Variants in HNRNPA1L2 observed in about 807,000 individuals in gnomAD.
HNRNPA1L2 encodes heterogeneous nuclear ribonucleoprotein A1 like 2, also known as heterogeneous nuclear ribonucleoprotein A1-like 2.
A neutral mutation model predicts 18.2 loss-of-function variants in HNRNPA1L2; 10 were observed. That is an observed-to-expected ratio of 0.55 (90% confidence interval 0.34 to 0.93). The LOEUF is 0.93. Ranked by LOEUF, HNRNPA1L2 falls within the 40% of genes least tolerant of loss-of-function variation. HNRNPA1L2 has a pLI of 0.02. For missense variants in HNRNPA1L2, 308 were observed against 394.4 expected (o/e 0.78, Z 1.85); for synonymous variants, 124 against 138.6 (o/e 0.89, Z 0.74).
chr13:52,632,399 C>A, the HNRNPA1L2 span: 1 of 152,346 alleles, frequency 6.6e-6, no homozygotes, highest in African/African-American at 2.4e-5. Flanking sequence ...AGTTTATATT[C>A]ATTAAAATGT....
At chr13:52,617,699 C>A in the HNRNPA1L2 span, 9 of 440,094 alleles carry the variant, frequency 2.0e-5, no homozygotes, top group Middle Eastern at 5.0e-4. Context: ...CAGTTCAGCA[C>A]TTTTGGCTCC....
At chr13:52,634,378 G>A in the HNRNPA1L2 span, among the ~76,000 whole-genome samples, 25 of 152,198 alleles carry the variant, frequency 1.6e-4, no homozygotes, top group Non-Finnish European at 3.1e-4. Context: ...TGGCAAGAAG[G>A]CATTTAAATT....
the HNRNPA1L2 span, among the ~76,000 whole-genome samples, chr13:52,634,981 A>C: frequency 6.6e-6 from 1 of 152,234 alleles, no homozygotes; most frequent in Non-Finnish European, 1.5e-5. Flanking sequence ...TGATGATCCT[A>C]ATGATGATGG....
At chr13:52,633,672 G>A in the HNRNPA1L2 span, among the ~76,000 whole-genome samples, 10 of 152,158 alleles carry the variant, frequency 6.6e-5, no homozygotes, top group Non-Finnish European at 1.3e-4. Context: ...AATTATCTGG[G>A]TATGGTGGTG....
At chr13:52,626,426 TAAAAA>T in the HNRNPA1L2 span, among the ~76,000 whole-genome samples, 1 of 130,828 alleles carries the variant, frequency 7.6e-6, no homozygotes. Context: ...TCCCATCTCT[TAAAAA>T]AAAAAAAAAA....
At chr13:52,622,939 C>T in the HNRNPA1L2 span, among the ~76,000 whole-genome samples, 10 of 151,852 alleles carry the variant, frequency 6.6e-5, no homozygotes, top group Non-Finnish European at 1.3e-4. Context: ...TTTAGGATAC[C>T]CATCACTGAC....
chr13:52,624,179 G>T, the HNRNPA1L2 span, among the ~76,000 whole-genome samples: 69 of 152,090 alleles, frequency 4.5e-4, no homozygotes, highest in Non-Finnish European at 8.8e-4. Flanking sequence ...CAGTGGCGCG[G>T]TCTTGGCTCA....
At position 52,643,257 on chromosome 13, in the gene HNRNPA1L2, A is replaced by C. The variant is rs1566164435; in HGVS notation, c.765A>C (p.Gly255=). ...NGFGNDGSNF[G]GGGSYNDFGN... is the part of the protein sequence containing the mutation. ...TTGGTAATGATGGAAGCAATTTTGG[A>C]GGTGGTGGAAGCTACAATGATTTTG... Residue 255 remains glycine, a synonymous_variant, in exon 1 of 1, where the codon GGA becomes GGC. Transcript: ENST00000357495. 1 of 1,592,438 alleles carries C rather than the reference A, an allele frequency of 6.3e-7. No homozygotes were observed.
chr13:52,642,749 C>G lies in HNRNPA1L2; in HGVS notation c.257C>G (p.Pro86Arg). Residue 86 changes from proline (P) to arginine (R), a missense_variant, in exon 1 of 1, where the codon CCA becomes CGA. Physicochemically the swap from Pro to Arg is moderately radical, Grantham distance 103. Coordinates refer to ENST00000357495, the MANE Select transcript of HNRNPA1L2 (RefSeq NM_001389320.1). ...PHKVDGRVVE[P>R]KRAVSREDSQ... ...AAGGTGGATGGAAGAGTTGTGGAACCAAAGAGAGCTGTCTCCAGAGAAGAT... is the reference window on the plus strand; with the variant it reads ...AAGGTGGATGGAAGAGTTGTGGAACGAAAGAGAGCTGTCTCCAGAGAAGAT... The G allele has an allele frequency of 1.9e-6, 3 of 1,599,530 alleles. No homozygotes were observed. Among genetic ancestry groups the G allele is most frequent in the Non-Finnish European group, 2.5e-6 (3 of 1,179,784 alleles).
chr13:52,621,775 A>C, the HNRNPA1L2 span, among the ~76,000 whole-genome samples: 1 of 152,178 alleles, frequency 6.6e-6, no homozygotes, highest in African/African-American at 2.4e-5. Flanking sequence ...TAGGGAGTTA[A>C]TGTGGGTATG....
chr13:52,618,168 G>C, the HNRNPA1L2 span, among the ~76,000 whole-genome samples: 3 of 152,348 alleles, frequency 2.0e-5, no homozygotes, highest in South Asian at 6.2e-4. Context: ...TAATTGCTGA[G>C]ATAGTGTATG....
the HNRNPA1L2 span, among the ~76,000 whole-genome samples, chr13:52,633,244 A>T: frequency 6.6e-6 from 1 of 152,216 alleles, no homozygotes. Context: ...GATAGCATTT[A>T]TAAAATAACT....
At chr13:52,632,248 C>T in the HNRNPA1L2 span, among the ~76,000 whole-genome samples, 1 of 152,164 alleles carries the variant, frequency 6.6e-6, no homozygotes, top group Non-Finnish European at 1.5e-5. Context: ...AGCAAAACTT[C>T]AAGTGCACAT....
chr13:52,619,347 C>T, the HNRNPA1L2 span, among the ~76,000 whole-genome samples: 3 of 149,644 alleles, frequency 2.0e-5, no homozygotes, highest in African/African-American at 7.4e-5. Flanking sequence ...GAGTCTCACT[C>T]TGTGGCCCAG....
At chr13:52,636,107 T>G in the HNRNPA1L2 span, among the ~76,000 whole-genome samples, 1 of 152,182 alleles carries the variant, frequency 6.6e-6, no homozygotes, top group South Asian at 2.1e-4. Context: ...AGTGCTGGGA[T>G]TACAGCTGCG....
the HNRNPA1L2 span, among the ~76,000 whole-genome samples, chr13:52,620,792 GC>G: frequency 6.6e-6 from 1 of 151,974 alleles, no homozygotes; most frequent in Admixed American, 6.6e-5. Context: ...TGGGAGGATC[GC>G]CGGAGCCTGG....
the HNRNPA1L2 span, among the ~76,000 whole-genome samples, chr13:52,633,018 C>T: frequency 6.6e-6 from 1 of 152,168 alleles, no homozygotes; most frequent in Admixed American, 6.5e-5. Context: ...CAGTTATTGA[C>T]ATTGCTAGTT....
Position 52,642,538 on chromosome 13 carries a change from C to A in HNRNPA1L2, c.46C>A (p.Leu16Ile). The change falls in exon 1 of 1, where the codon CTC becomes ATC. Residue 16 changes from leucine to isoleucine, a missense_variant. Physicochemically the swap from Leu to Ile is conservative, Grantham distance 5. Coordinates refer to ENST00000357495, the MANE Select transcript of HNRNPA1L2 (RefSeq NM_001389320.1). The stretch of plus-strand genomic sequence containing the variant: ...AAAAGAGCCCGAACAGCTGAGGAAG[C>A]TCTTCATTGGAGGGTTGAGCTTTGA... Reference protein sequence around the residue: ...SPKEPEQLRKLFIGGLSFETT... With the variant: ...SPKEPEQLRKIFIGGLSFETT... The A allele has an allele frequency of 4.3e-6, 7 of 1,611,950 alleles. No homozygotes were observed. Among genetic ancestry groups the A allele is most frequent in the Non-Finnish European group, 5.9e-6 (7 of 1,179,854 alleles).
chr13:52,628,123 C>T, the HNRNPA1L2 span, among the ~76,000 whole-genome samples: 2 of 152,066 alleles, frequency 1.3e-5, no homozygotes, highest in Non-Finnish European at 2.9e-5. Flanking sequence ...TCCCAATGAG[C>T]GTGTGTACCA....
Sources: gnomAD v4.1 joint callset for allele counts (sites outside exome capture counted in the v4.1 genomes callset) on GRCh38, gnomAD v4.1.1 for gene constraint, MANE v1.5 for transcripts, NCBI Gene and HGNC (gene_info 2026-07-23, HGNC 2026-07-21) for gene names.